TCF12: variants seen among roughly 807,000 people sequenced by gnomAD.
TCF12 encodes the protein transcription factor 12, also known as DNA-binding protein HTF4.
In TCF12, 45 loss-of-function variants were observed where a neutral mutation model predicts 86.0. The observed-to-expected ratio is 0.52, with a 90% CI of 0.41 to 0.67. The LOEUF (loss-of-function observed/expected upper bound fraction) is 0.67. Ranked by LOEUF, TCF12 falls within the 30% of genes least tolerant of loss-of-function variation. The pLI is 0.00. For synonymous variants in TCF12, 330 were observed against 299.6 expected (o/e 1.10, Z -1.05); for missense variants, 881 against 859.9 (o/e 1.02, Z -0.31).
intron 8 of TCF12, among the ~76,000 whole-genome samples, chr15:57,198,213 A>T (rs1369524768): frequency 6.6e-6 from 1 of 152,192 alleles, no homozygotes; most frequent in Non-Finnish European, 1.5e-5. Flanking sequence ...CATTTGTAAT[A>T]ATCCCAATGG....
intron 5 of TCF12, among the ~76,000 whole-genome samples, chr15:57,128,213 G>A (rs2051822188): frequency 6.6e-6 from 1 of 152,066 alleles, no homozygotes; most frequent in Non-Finnish European, 1.5e-5. Flanking sequence ...TTTTCCTACT[G>A]TACATCTATA....
At chr15:56,986,381 A>AC (rs2063179636) in intron 3 of TCF12, among the ~76,000 whole-genome samples, 1 of 152,182 alleles carries the variant, frequency 6.6e-6, no homozygotes, top group South Asian at 2.1e-4. Context: ...ACTTTTTGAA[A>AC]TAAAACTTTA....
chr15:57,129,058 T>G (rs1486823359), intron 5 of TCF12, among the ~76,000 whole-genome samples: 1 of 151,968 alleles, frequency 6.6e-6, no homozygotes, highest in African/African-American at 2.4e-5. Context: ...AGGAGTGGAG[T>G]TACCAGGTAA....
chr15:57,271,707 A>T (rs2061152291), intron 18 of TCF12, among the ~76,000 whole-genome samples: 1 of 152,060 alleles, frequency 6.6e-6, no homozygotes, highest in African/African-American at 2.4e-5. Context: ...AGCTGTTCCT[A>T]TTTGGCCATC....
chr15:57,177,794 C>T (rs1322899079), intron 6 of TCF12, among the ~76,000 whole-genome samples: 1 of 152,052 alleles, frequency 6.6e-6, no homozygotes, highest in Non-Finnish European at 1.5e-5. Context: ...GATCACAGCT[C>T]ACTGCAGCCT....
At chr15:57,099,862 T>C (rs2049601508) in intron 5 of TCF12, among the ~76,000 whole-genome samples, 1 of 152,158 alleles carries the variant, frequency 6.6e-6, no homozygotes, top group East Asian at 1.9e-4. Context: ...TAGAGGATAT[T>C]TCAGAGTTTT....
At chr15:57,240,030 A>G (rs2059547202) in intron 12 of TCF12, among the ~76,000 whole-genome samples, 1 of 152,234 alleles carries the variant, frequency 6.6e-6, no homozygotes, top group Non-Finnish European at 1.5e-5. Flanking sequence ...TACTGAGACT[A>G]GAACTCTGGG....
At chr15:57,219,818 C>T (rs569977179) in intron 8 of TCF12, among the ~76,000 whole-genome samples, 1 of 151,406 alleles carries the variant, frequency 6.6e-6, no homozygotes, top group South Asian at 2.1e-4. Flanking sequence ...CTTCGCCTCC[C>T]GGGTTCAAGC....
chr15:56,927,915 C>A (rs1458208849), intron 3 of TCF12, among the ~76,000 whole-genome samples: 1 of 152,112 alleles, frequency 6.6e-6, no homozygotes, highest in Non-Finnish European at 1.5e-5. Context: ...ACATTTGGAG[C>A]ACATTTGTGC....
chr15:57,208,418 T>A (rs2057954191), intron 8 of TCF12, among the ~76,000 whole-genome samples: 1 of 109,056 alleles, frequency 9.2e-6, no homozygotes, highest in Non-Finnish European at 1.8e-5. Flanking sequence ...AGTCTCACTC[T>A]GTCACCCAGG....
intron 5 of TCF12, among the ~76,000 whole-genome samples, chr15:57,163,573 A>G (rs1317879023): frequency 1.3e-5 from 2 of 151,680 alleles, no homozygotes; most frequent in African/African-American, 2.4e-5. Context: ...CGTGTTGGCA[A>G]ACACCTATGG....
intron 12 of TCF12, among the ~76,000 whole-genome samples, chr15:57,238,714 T>C (rs1362000890): frequency 6.6e-6 from 1 of 152,202 alleles, no homozygotes; most frequent in African/African-American, 2.4e-5. Flanking sequence ...ATATATATAT[T>C]GGGCACCTAC....
intron 4 of TCF12, among the ~76,000 whole-genome samples, chr15:57,076,379 C>T (rs1490616093): frequency 9.9e-5 from 15 of 151,874 alleles, no homozygotes; most frequent in African/African-American, 2.7e-4. Context: ...TAGAATAGGC[C>T]GGGCACGGTG....
intron 5 of TCF12, among the ~76,000 whole-genome samples, chr15:57,151,871 A>G (rs981095545): frequency 1.3e-5 from 2 of 152,198 alleles, no homozygotes; most frequent in Non-Finnish European, 2.9e-5. Context: ...CTGAACTAAA[A>G]CAGCAGAGAA....
intron 3 of TCF12, among the ~76,000 whole-genome samples, chr15:56,968,768 C>T (rs1162060040): frequency 1.3e-5 from 2 of 152,234 alleles, no homozygotes; most frequent in East Asian, 3.9e-4. Flanking sequence ...CTCAGGAGGT[C>T]CTGATGACAT....
chr15:57,014,581 TTTTGAAAA>T (rs1413248443), intron 3 of TCF12, among the ~76,000 whole-genome samples: 2 of 152,210 alleles, frequency 1.3e-5, no homozygotes, highest in Non-Finnish European at 2.9e-5. Flanking sequence ...CATAGATGTA[TTTTGAAAA>T]TTCCTGGGCA....
At chr15:56,920,562 G>A (rs1162336147) in intron 2 of TCF12, among the ~76,000 whole-genome samples, 1 of 151,224 alleles carries the variant, frequency 6.6e-6, no homozygotes, top group African/African-American at 2.4e-5. Context: ...AAACCTAAGG[G>A]CCCACTGCTT....
intron 3 of TCF12, among the ~76,000 whole-genome samples, chr15:57,006,293 G>A (rs966100596): frequency 6.6e-6 from 1 of 151,826 alleles, no homozygotes. Flanking sequence ...GCCAGTACTG[G>A]ATTTAAGATT....
intron 3 of TCF12, among the ~76,000 whole-genome samples, chr15:57,063,185 C>A (rs992873355): frequency 1.3e-5 from 2 of 152,134 alleles, no homozygotes; most frequent in Admixed American, 1.3e-4. Flanking sequence ...GTGTCACCCA[C>A]AAAATTACTA....
Sources: gnomAD v4.1 joint callset for allele counts (sites outside exome capture counted in the v4.1 genomes callset) on GRCh38, gnomAD v4.1.1 for gene constraint, MANE v1.5 for transcripts, NCBI Gene and HGNC (gene_info 2026-07-23, HGNC 2026-07-21) for gene names.